DAB1: variants seen among roughly 807,000 people sequenced by gnomAD.
DAB1 encodes disabled homolog 1.
DAB1 carries 15 observed loss-of-function variants against 64.6 expected under a neutral mutation model. The observed-to-expected ratio is 0.23, with a 90% confidence interval of 0.16 to 0.36. The LOEUF (loss-of-function observed/expected upper bound fraction) is 0.36, where lower values mean the gene tolerates loss of function less well. DAB1 is among the 10% of genes least tolerant of loss of function. The pLI, the probability that DAB1 is intolerant of heterozygous loss-of-function variation, is 1.00. For synonymous variants in DAB1, 235 were observed against 251.9 expected, an observed-to-expected ratio of 0.93 and a Z score of 0.64; for missense variants, 596 against 706.7, an observed-to-expected ratio of 0.84 and a Z score of 1.78.
At chr1:57,522,109 C>CA (rs111419395) in intron 7 of DAB1, among the ~76,000 whole-genome samples, 10,499 of 146,134 alleles carry the variant, frequency 0.072, 1,132 homozygotes, top group African/African-American at 0.24. Flanking sequence ...GACTCCATCT[C>CA]AAAAAAAAAA....
intron 4 of DAB1, among the ~76,000 whole-genome samples, chr1:57,096,500 C>G (rs1042789892): frequency 6.6e-6 from 1 of 152,108 alleles, no homozygotes; most frequent in Non-Finnish European, 1.5e-5. Flanking sequence ...ACAAACGAAG[C>G]CTGTATGTTT....
chr1:58,008,781 A>C (rs2100423477), intron 5 of DAB1, among the ~76,000 whole-genome samples: 1 of 152,166 alleles, frequency 6.6e-6, no homozygotes, highest in South Asian at 2.1e-4. Flanking sequence ...AAAACACAAA[A>C]CCTCTTACTG....
intron 5 of DAB1, among the ~76,000 whole-genome samples, chr1:58,006,692 C>T (rs1470473073): frequency 3.3e-5 from 5 of 152,118 alleles, no homozygotes; most frequent in Admixed American, 6.5e-5. Context: ...GACAGGGCAC[C>T]GCCTTCCTGC....
intron 5 of DAB1, among the ~76,000 whole-genome samples, chr1:57,936,606 T>C (rs1445621428): frequency 2.6e-5 from 4 of 152,158 alleles, no homozygotes; most frequent in African/African-American, 9.7e-5. Context: ...TTTCGCCATG[T>C]TGGCCTGGCT....
Position 57,602,727 on chromosome 1 carries a change from T to A in DAB1, n.625+46865A>T, listed in dbSNP as rs531001548. ...AACTGATAGACCAAATTTAGAGGAA[T>A]CCTTTCCAATGTCTTCCCATCAGTG... On this transcript the variant is annotated intron_variant and non_coding_transcript_variant, in intron 7 of 20. Transcript: ENST00000485760. Among the ~76,000 whole-genome samples the A allele has an allele frequency of 5.9e-5, 9 of 152,194 alleles. No individual in the cohort carries two copies. The South Asian group carries it at 1.9e-3, about 32-fold the overall frequency.
At chr1:57,572,567 G>T (rs1048646822) in intron 7 of DAB1, among the ~76,000 whole-genome samples, 1 of 152,082 alleles carries the variant, frequency 6.6e-6, no homozygotes, top group African/African-American at 2.4e-5. Flanking sequence ...CCCTTATAAG[G>T]GTGTTGTGAG....
At chr1:57,418,631 A>C (rs1684673132) in intron 1 of DAB1, among the ~76,000 whole-genome samples, 1 of 151,944 alleles carries the variant, frequency 6.6e-6, no homozygotes, top group Non-Finnish European at 1.5e-5. Flanking sequence ...ACCACCACAA[A>C]ATTTTCGTCA....
At chr1:57,033,603 T>C (rs749475782) in intron 9 of DAB1, 4 of 1,588,858 alleles carry the variant, frequency 2.5e-6, no homozygotes, top group Non-Finnish European at 3.4e-6. Context: ...TGAATGAGGA[T>C]GAAGTGAATG....
chr1:57,439,419 T>TTTTTTTTTTTTG (rs1558381247), intron 7 of DAB1, among the ~76,000 whole-genome samples: 1 of 114,276 alleles, frequency 8.8e-6, no homozygotes, highest in African/African-American at 3.9e-5. Flanking sequence ...GGTGATGAGG[T>TTTTTTTTTTTTG]TTTTTCTTTT....
chr1:57,651,675 A>C (rs904684930), intron 6 of DAB1, among the ~76,000 whole-genome samples: 2 of 152,084 alleles, frequency 1.3e-5, no homozygotes, highest in Non-Finnish European at 2.9e-5. Context: ...CAAAAAAAAA[A>C]TGACAGAAAG....
chr1:58,176,840 A>G (rs496504), intron 4 of DAB1, among the ~76,000 whole-genome samples: 119,727 of 151,966 alleles, frequency 0.79, 47,786 homozygotes, highest in South Asian at 0.87. Context: ...TTAGCCAGGC[A>G]TGGTGGTGGG....
chr1:57,392,516 C>A (rs1682467484), intron 1 of DAB1, among the ~76,000 whole-genome samples: 1 of 152,166 alleles, frequency 6.6e-6, no homozygotes, highest in Non-Finnish European at 1.5e-5. Flanking sequence ...TCCTTGCCAC[C>A]TAAGACCTCA....
intron 5 of DAB1, among the ~76,000 whole-genome samples, chr1:57,994,402 C>A (rs1349863084): frequency 6.6e-6 from 1 of 152,200 alleles, no homozygotes; most frequent in African/African-American, 2.4e-5. Flanking sequence ...CATTTCTGGT[C>A]TGAGTTGGAG....
intron 5 of DAB1, among the ~76,000 whole-genome samples, chr1:57,935,320 A>G (rs1645009901): frequency 6.6e-6 from 1 of 152,184 alleles, no homozygotes; most frequent in Non-Finnish European, 1.5e-5. Context: ...TGGGGATAAT[A>G]ATCTTAATAG....
intron 4 of DAB1, among the ~76,000 whole-genome samples, chr1:58,332,462 T>G (rs1438097454): frequency 1.3e-5 from 2 of 152,218 alleles, no homozygotes; most frequent in African/African-American, 2.4e-5. Flanking sequence ...CCACAATTTT[T>G]GGGGTTTCCA....
chr1:57,092,292 A>G (rs1310479442), intron 4 of DAB1, among the ~76,000 whole-genome samples: 1 of 152,102 alleles, frequency 6.6e-6, no homozygotes, highest in Non-Finnish European at 1.5e-5. Context: ...TTTTAAGATT[A>G]TGGTTGATAT....
At chr1:57,172,634 C>A (rs891774905) in intron 2 of DAB1, among the ~76,000 whole-genome samples, 5 of 152,054 alleles carry the variant, frequency 3.3e-5, no homozygotes, top group African/African-American at 1.2e-4. Flanking sequence ...GGAGGGCCAG[C>A]GTGTTCAGAG....
chr1:58,514,676 C>G (rs1367395080), intron 2 of DAB1, among the ~76,000 whole-genome samples: 1 of 152,230 alleles, frequency 6.6e-6, no homozygotes, highest in Middle Eastern at 3.4e-3. Context: ...AGGATTGTGG[C>G]AGGGGGAGCT....
intron 6 of DAB1, among the ~76,000 whole-genome samples, chr1:57,716,411 G>A (rs1575510): frequency 0.75 from 113,882 of 152,136 alleles, 43,752 homozygotes; most frequent in African/African-American, 0.92. Context: ...GTGGAACAGT[G>A]TACAGAACCC....
Sources: allele counts gnomAD v4.1 joint callset (sites outside exome capture counted in the v4.1 genomes callset), GRCh38; gene constraint gnomAD v4.1.1; transcripts MANE v1.5; gene names NCBI Gene and HGNC (gene_info 2026-07-23, HGNC 2026-07-21).